The following DDC variants were observed in gnomAD, a reference collection of about 807,000 sequenced individuals.
The protein encoded by DDC is aromatic-L-amino-acid decarboxylase.
In DDC, 43 loss-of-function variants were observed where a neutral mutation model predicts 60.0. The observed-to-expected ratio is 0.72, with a 90% CI of 0.56 to 0.92. DDC has a LOEUF of 0.92. Among genes scored for constraint, DDC ranks in the 40% least tolerant of loss-of-function variants. DDC has a pLI of 0.00. For synonymous variants in DDC, 232 were observed against 234.6 expected (o/e 0.99, Z 0.10); for missense variants, 573 against 620.2 (o/e 0.92, Z 0.81).
intron 14 of DDC, among the ~76,000 whole-genome samples, chr7:50,460,700 T>C (rs2042254166): frequency 6.6e-6 from 1 of 151,668 alleles, no homozygotes; most frequent in Non-Finnish European, 1.5e-5. Flanking sequence ...TTTTGTTCTG[T>C]ACTAAGAAAA....
Position 50,543,955 on chromosome 7 carries a change from G to A in DDC, c.131C>T (p.Ala44Val), listed in dbSNP as rs2044719145. 1 of 1,614,000 alleles carries A rather than the reference G, an allele frequency of 6.2e-7. No individual in the cohort carries two copies. Among genetic ancestry groups the A allele is most frequent in the Non-Finnish European group, 8.5e-7 (1 of 1,180,026 alleles). ...EPGYLRPLIPAAAPQEPDTFE... is the reference protein window; with the variant it reads ...EPGYLRPLIPVAAPQEPDTFE... Reference sequence around the variant, plus strand: ...CGTGTCTGGCTCCTGAGGGGCAGCGGCAGGGATCAGCGGCCGCAGGTACCC... The same window carrying A: ...CGTGTCTGGCTCCTGAGGGGCAGCGACAGGGATCAGCGGCCGCAGGTACCC... Residue 44 changes from alanine (A) to valine (V), a missense_variant, in exon 2 of 15, where the codon GCC becomes GTC. Transcript: ENST00000444124.
At chr7:50,492,628 A>T in intron 9 of DDC, 1 of 1,075,642 alleles carries the variant, frequency 9.3e-7, no homozygotes, top group Non-Finnish European at 1.2e-6. Flanking sequence ...AGACTTCCAG[A>T]CACCGCAGGC....
intron 1 of DDC, among the ~76,000 whole-genome samples, chr7:50,558,488 A>G (rs1355924872): frequency 6.6e-6 from 1 of 152,156 alleles, no homozygotes; most frequent in South Asian, 2.1e-4. Flanking sequence ...CCAAGAAAAA[A>G]TCCTGAGAAT....
At chr7:50,518,671 T>C (rs544668394) in intron 6 of DDC, among the ~76,000 whole-genome samples, 1 of 152,344 alleles carries the variant, frequency 6.6e-6, no homozygotes, top group South Asian at 2.1e-4. Flanking sequence ...GTTGCTGGGA[T>C]AATTGGCTAG....
rs534720357 is a variant in DDC at position 50,475,642 on chromosome 7, G to T, written c.1041+982C>A. 1.5e-4 allele frequency among the ~76,000 whole-genome samples: 23 copies of T among 152,226 alleles called. 1 individual carries two copies. In the South Asian group the frequency reaches 4.8e-3, roughly 32 times the overall value. On this transcript the variant is annotated intron_variant, in intron 11 of 14. Coordinates refer to ENST00000444124, the MANE Select transcript of DDC (RefSeq NM_001082971.2). ...AGACACACACCTCTGTCGGGAAATGGCAGCCTCTGCTTTGATGATGTCTGG... is the reference window on the plus strand; with the variant it reads ...AGACACACACCTCTGTCGGGAAATGTCAGCCTCTGCTTTGATGATGTCTGG...
intron 4 of DDC, among the ~76,000 whole-genome samples, chr7:50,533,535 T>C (rs1196777181): frequency 2.0e-5 from 3 of 152,096 alleles, no homozygotes; most frequent in Admixed American, 6.5e-5. Flanking sequence ...CCTCAAATGA[T>C]CCACCCGCCT....
chr7:50,560,441 G>A (rs2045316364), intron 1 of DDC, among the ~76,000 whole-genome samples: 1 of 152,146 alleles, frequency 6.6e-6, no homozygotes, highest in South Asian at 2.1e-4. Flanking sequence ...CATTTATTGA[G>A]CACCTATTGT....
At chr7:50,471,088 T>C (rs2042519613) in intron 11 of DDC, among the ~76,000 whole-genome samples, 2 of 152,112 alleles carry the variant, frequency 1.3e-5, no homozygotes, top group South Asian at 2.1e-4. Flanking sequence ...GGCTTGCAGG[T>C]GTTTTTTAAA....
At chr7:50,471,058 G>A (rs558950097) in intron 11 of DDC, among the ~76,000 whole-genome samples, 4 of 152,300 alleles carry the variant, frequency 2.6e-5, no homozygotes, top group East Asian at 1.9e-4. Context: ...CCTGAGTCCC[G>A]CACTGCTCCC....
At chr7:50,497,715 C>G (rs769892819) in intron 8 of DDC, among the ~76,000 whole-genome samples, 5 of 152,126 alleles carry the variant, frequency 3.3e-5, no homozygotes, top group Admixed American at 1.3e-4. Context: ...CTCTCCAGTG[C>G]GTACATAGGT....
At chr7:50,530,049 G>A (rs921795628) in intron 4 of DDC, among the ~76,000 whole-genome samples, 17 of 152,208 alleles carry the variant, frequency 1.1e-4, no homozygotes, top group African/African-American at 3.9e-4. Context: ...TTGAGCCCCG[G>A]AGTTCGAGAC....
chr7:50,500,231 C>T (rs1022655113), intron 7 of DDC, among the ~76,000 whole-genome samples: 1 of 151,944 alleles, frequency 6.6e-6, no homozygotes, highest in African/African-American at 2.4e-5. Flanking sequence ...ATGGATTCAC[C>T]GTTCACTCAC....
intron 6 of DDC, among the ~76,000 whole-genome samples, chr7:50,524,824 G>T (rs2043995993): frequency 6.6e-6 from 1 of 152,106 alleles, no homozygotes; most frequent in South Asian, 2.1e-4. Flanking sequence ...GCACTCTTAG[G>T]CATTTATCCC....
chr7:50,538,396 C>G (rs547699481), intron 3 of DDC, among the ~76,000 whole-genome samples: 1 of 152,286 alleles, frequency 6.6e-6, no homozygotes, highest in East Asian at 1.9e-4. Context: ...TGACTTTTCT[C>G]TATGAACTCT....
At chr7:50,481,368 G>C (rs919317570) in intron 9 of DDC, among the ~76,000 whole-genome samples, 1 of 152,128 alleles carries the variant, frequency 6.6e-6, no homozygotes, top group Non-Finnish European at 1.5e-5. Flanking sequence ...ACTGGTTGTG[G>C]GGGGAGGTCC....
In DDC at chr7:50,463,316, C is replaced by G. The variant is rs770717871; in HGVS notation, c.1358G>C (p.Arg453Pro). The G allele has an allele frequency of 3.1e-6, 5 of 1,614,212 alleles. No homozygotes were observed. The highest frequency in any genetic ancestry group is 4.2e-6 in the Non-Finnish European group (5 of 1,180,044). The change falls in exon 14 of 15, where the codon CGC (arginine) becomes CCC (proline). Residue 453 changes from arginine (R) to proline (P), a missense_variant. Physicochemically the swap from Arg to Pro is moderately radical, Grantham distance 103. Transcript: ENST00000444124. Reference protein sequence around the residue: ...KFVLRFAICSRTVESAHVQRA... With the variant: ...KFVLRFAICSPTVESAHVQRA... ...CTGCACATGGGCAGATTCCACCGTG[C>G]GAGAACAGATGGCAAAGCGCAGGAC... is the stretch of plus-strand genomic sequence containing the variant.
intron 1 of DDC, among the ~76,000 whole-genome samples, chr7:50,545,168 T>C (rs1022766290): frequency 1.3e-5 from 2 of 152,222 alleles, no homozygotes; most frequent in African/African-American, 4.8e-5. Flanking sequence ...AAGAAGGTAG[T>C]GTGTCCCTTT....
intron 7 of DDC, among the ~76,000 whole-genome samples, chr7:50,501,795 C>T (rs997581010): frequency 1.3e-5 from 2 of 152,120 alleles, no homozygotes; most frequent in Non-Finnish European, 2.9e-5. Context: ...AAATGTTGGC[C>T]GGACACAGTG....
intron 13 of DDC, among the ~76,000 whole-genome samples, chr7:50,466,856 A>G (rs916895277): frequency 6.6e-6 from 1 of 152,256 alleles, no homozygotes; most frequent in African/African-American, 2.4e-5. Context: ...GATGCTGTTG[A>G]TCCACAGAAG....
Sources: allele counts gnomAD v4.1 joint callset (sites outside exome capture counted in the v4.1 genomes callset), GRCh38; gene constraint gnomAD v4.1.1; transcripts MANE v1.5; gene names NCBI Gene and HGNC (gene_info 2026-07-23, HGNC 2026-07-21).